Variants in KCTD14 observed in about 807,000 individuals in gnomAD.
KCTD14 encodes BTB/POZ domain-containing protein KCTD14.
A neutral mutation model predicts 5.9 loss-of-function variants in KCTD14; 7 were observed. The observed-to-expected ratio is 1.19, with a 90% CI of 0.68 to 2.23. The LOEUF is 2.23. Ranked by LOEUF, KCTD14 falls within the 30% of genes most tolerant of loss-of-function variation. KCTD14 has a pLI of 0.00. For synonymous variants in KCTD14, 140 were observed against 133.1 expected (o/e 1.05, Z -0.36); for missense variants, 342 against 332.2 (o/e 1.03, Z -0.23).
At chr11:78,022,819 G>C in intron 1 of KCTD14, 1 of 242,626 alleles carries the variant, frequency 4.1e-6, no homozygotes, top group Non-Finnish European at 8.0e-6. Context: ...GAGAAGGTGG[G>C]GCAGAGGAGG....
At chr11:78,039,195 C>G (rs1191125564) in intron 1 of KCTD14, among the ~76,000 whole-genome samples, 4 of 151,572 alleles carry the variant, frequency 2.6e-5, no homozygotes, top group African/African-American at 9.7e-5. Context: ...TATCCACTAA[C>G]AAAACTTGAA....
At chr11:78,021,603 C>T (rs1158580071) in intron 1 of KCTD14, among the ~76,000 whole-genome samples, 1 of 151,946 alleles carries the variant, frequency 6.6e-6, no homozygotes, top group African/African-American at 2.4e-5. Context: ...ATTTTTTATA[C>T]AGACAGGGTT....
intron 1 of KCTD14, 26 bp downstream of exon 1, chr11:78,023,134 G>A (rs371281919): frequency 1.5e-5 from 22 of 1,452,578 alleles, no homozygotes; most frequent in Non-Finnish European, 2.0e-5. Flanking sequence ...ACAGAGGCGC[G>A]GGGACGCAGC....
In KCTD14 at chr11:78,016,360, G is replaced by A. The variant is rs1009744969; in HGVS notation, c.*233C>T. On this transcript the variant is annotated 3_prime_UTR_variant, in exon 2 of 2. Transcript: ENST00000353172. ...ATTGGACTTCAAGAGAAGGGTCTGG[G>A]AGATACATGAGGCTTTGAAAAGGAA... The A allele has an allele frequency of 3.5e-6, 2 of 573,342 alleles. No homozygotes were observed. Among genetic ancestry groups the A allele is most frequent in the African/African-American group, 3.7e-5 (2 of 53,468 alleles). 35.5% of individuals were successfully genotyped at this position (573,342 alleles called of 1,614,324 possible).
chr11:78,045,023 T>C (rs935974799), intron 1 of KCTD14, among the ~76,000 whole-genome samples: 4 of 152,184 alleles, frequency 2.6e-5, no homozygotes, highest in African/African-American at 7.2e-5. Context: ...ACCAGTCAAG[T>C]GTTCCTAGAG....
intron 1 of KCTD14, among the ~76,000 whole-genome samples, chr11:78,021,289 C>T (rs576385220): frequency 9.7e-6 from 1 of 103,248 alleles, no homozygotes; most frequent in East Asian, 2.7e-4. Context: ...CAGAGGGAGA[C>T]CCTGTCTCAA....
chr11:78,038,616 T>C, intron 2 of KCTD14: 8 of 1,532,418 alleles, frequency 5.2e-6, no homozygotes, highest in Non-Finnish European at 6.1e-6. Flanking sequence ...CTCCACCATC[T>C]CACACAGCCC....
At chr11:78,040,827 G>A (rs1159736105) in intron 1 of KCTD14, among the ~76,000 whole-genome samples, 1 of 151,888 alleles carries the variant, frequency 6.6e-6, no homozygotes, top group African/African-American at 2.4e-5. Flanking sequence ...GCATCACCAC[G>A]CCCGGCTGAT....
At chr11:78,043,965 T>G (rs538652569) in intron 1 of KCTD14, among the ~76,000 whole-genome samples, 2 of 151,914 alleles carry the variant, frequency 1.3e-5, no homozygotes, top group African/African-American at 4.8e-5. Context: ...AAGGCCAGAG[T>G]TGCTGATCCT....
At chr11:78,034,785 T>A (rs1857741061) in intron 2 of KCTD14, among the ~76,000 whole-genome samples, 1 of 152,124 alleles carries the variant, frequency 6.6e-6, no homozygotes, top group South Asian at 2.1e-4. Context: ...TCTCAATCCC[T>A]CTTGCCTGAG....
intron 2 of KCTD14, among the ~76,000 whole-genome samples, chr11:78,035,575 G>T (rs1268192655): frequency 6.6e-6 from 1 of 152,074 alleles, no homozygotes; most frequent in Admixed American, 6.6e-5. Context: ...CAGGCGCGGT[G>T]GCTCACGCCT....
At chr11:78,023,444 C>T, upstream of KCTD14, 1 of 571,726 alleles carries the variant, frequency 1.7e-6, no homozygotes, top group East Asian at 3.1e-5. Flanking sequence ...CTTTGGAGAC[C>T]GAGAAATGGA....
chr11:78,025,118 G>GTGTATATATATA (rs1230114793), upstream of KCTD14, among the ~76,000 whole-genome samples: 123 of 44,436 alleles, frequency 2.8e-3, no homozygotes, highest in African/African-American at 4.1e-3. Flanking sequence ...GTGTGTGTGT[G>GTGTATATATATA]TATATATATA....
chr11:78,035,614 C>T lies in KCTD14; in HGVS notation c.-1+3050G>A, dbSNP rs554822397. 3.0e-3 allele frequency among the ~76,000 whole-genome samples: 448 copies of T among 148,554 alleles called. 1 individual carries two copies. Among genetic ancestry groups the T allele is most frequent in the Admixed American group, 5.4e-3 (80 of 14,928 alleles). The stretch of plus-strand genomic sequence containing the variant: ...ATCCTAGCACTTTGGGAGGCCGAGG[C>T]GGGTGGATCACTTGAGGTCAGGAGT... On this transcript the variant is annotated intron_variant, in intron 2 of 2. Coordinates refer to the KCTD14 transcript ENST00000533144.
In KCTD14 at chr11:78,016,959, A is replaced by G; in HGVS notation, c.402T>C (p.Ser134=). Residue 134 remains serine (S), a synonymous_variant, in exon 2 of 2, where the codon TCT becomes TCC. Coordinates refer to ENST00000353172, the MANE Select transcript of KCTD14 (RefSeq NM_023930.4). The part of the protein sequence containing the change: ...DMPQIFGEQV[S]RKQFLLQVPG... The stretch of plus-strand genomic sequence containing the variant: ...GCACTTGCAGCAAAAACTGCTTCCG[A>G]GACACCTGCTCACCAAAGATCTGTG... 1 of 1,614,158 alleles carries G rather than the reference A, an allele frequency of 6.2e-7. No individual in the cohort carries two copies. Among genetic ancestry groups the G allele is most frequent in the Non-Finnish European group, 8.5e-7 (1 of 1,180,036 alleles).
At chr11:78,017,589 C>T (rs1222840584) in intron 1 of KCTD14, among the ~76,000 whole-genome samples, 3 of 151,702 alleles carry the variant, frequency 2.0e-5, no homozygotes, top group Non-Finnish European at 2.9e-5. Context: ...GGACTGCAGG[C>T]GCCTGCCATC....
Position 78,023,086 on chromosome 11 carries a change from C to A in KCTD14, c.90+74G>T, listed in dbSNP as rs1203386323. On this transcript the variant is annotated intron_variant, in intron 1 of 1. Transcript: ENST00000353172. ...GTCTGGGAGGGACGGGCAGGAGAAA[C>A]TGGAAGGGAGGGAAGAGGCGGAGGG... 1.4e-5 allele frequency: 15 copies of A among 1,046,030 alleles called. No individual in the cohort carries two copies. In the African/African-American group the frequency reaches 2.1e-4, roughly 15 times the overall value. 64.8% of individuals were successfully genotyped at this position (1,046,030 alleles called of 1,614,324 possible). A position where few individuals can be genotyped will look rare whatever the true frequency, so the allele number is the denominator to read the frequency against.
At chr11:78,034,510 C>T (rs917988536) in intron 2 of KCTD14, among the ~76,000 whole-genome samples, 2 of 151,930 alleles carry the variant, frequency 1.3e-5, no homozygotes, top group African/African-American at 4.8e-5. Context: ...TTCACCCAAA[C>T]ACTCTGTATG....
chr11:78,025,896 C>A (rs995192489), upstream of KCTD14, among the ~76,000 whole-genome samples: 2 of 152,180 alleles, frequency 1.3e-5, no homozygotes, highest in African/African-American at 4.8e-5. Flanking sequence ...AGAGAAGAAA[C>A]TTTACATTGG....
Sources: allele counts gnomAD v4.1 joint callset (sites outside exome capture counted in the v4.1 genomes callset), GRCh38; gene constraint gnomAD v4.1.1; transcripts MANE v1.5; gene names NCBI Gene and HGNC (gene_info 2026-07-23, HGNC 2026-07-21).